Variants in SMIM35 observed in about 807,000 individuals in gnomAD.
SMIM35 encodes small integral membrane protein 35.
chr11:118,085,122 G>A (rs543709858), intron 1 of SMIM35, among the ~76,000 whole-genome samples: 10 of 152,094 alleles, frequency 6.6e-5, no homozygotes, highest in East Asian at 1.9e-4. Context: ...TTGTGAAGTC[G>A]CTTTTATTGT....
intron 1 of SMIM35, among the ~76,000 whole-genome samples, chr11:118,086,450 A>G (rs1945562558): frequency 6.6e-6 from 1 of 152,388 alleles, no homozygotes; most frequent in South Asian, 2.1e-4. Context: ...GGTTAGACCC[A>G]AAGGAAAAAG....
At chr11:118,009,725 TA>T (rs35140092) in intron 4 of SMIM35, among the ~76,000 whole-genome samples, 7,308 of 135,210 alleles carry the variant, frequency 0.054, 231 homozygotes, top group Middle Eastern at 0.12. Context: ...GCAGACGCTT[TA>T]AAAAAAAAAA....
At position 118,049,287 on chromosome 11, in the gene SMIM35, T is replaced by C. The variant is rs544681590; in HGVS notation, c.8-33478A>G. On this transcript the variant is annotated intron_variant, in intron 1 of 4. Coordinates refer to ENST00000689828, the MANE Select transcript of SMIM35 (RefSeq NM_001394165.1). ...ACTGGCTGGGGACCCCAGAACCGTC[T>C]GTGAGTGATTTGAAGGGAAGCTGCA... Among the ~76,000 whole-genome samples, 29 of 151,634 alleles carry C rather than the reference T, an allele frequency of 1.9e-4. No homozygotes were observed. The South Asian group carries it at 6.0e-3, about 32-fold the overall frequency.
chr11:118,042,670 A>G (rs1944024495), intron 1 of SMIM35, among the ~76,000 whole-genome samples: 2 of 152,222 alleles, frequency 1.3e-5, no homozygotes, highest in South Asian at 4.1e-4. Context: ...AAAACCAGAG[A>G]AAAAATATCT....
At chr11:118,071,451 C>T (rs1355359661) in intron 1 of SMIM35, among the ~76,000 whole-genome samples, 1 of 152,258 alleles carries the variant, frequency 6.6e-6, no homozygotes, top group African/African-American at 2.4e-5. Flanking sequence ...TTTGCATCCC[C>T]TCACAGTGAG....
intron 1 of SMIM35, among the ~76,000 whole-genome samples, chr11:118,031,148 GGT>G (rs2058316502): frequency 1.3e-5 from 2 of 152,172 alleles, no homozygotes; most frequent in Admixed American, 1.3e-4. Flanking sequence ...TAAATTTCGT[GGT>G]GTTAGATTGG....
chr11:118,080,524 T>G (rs999085188), intron 1 of SMIM35, among the ~76,000 whole-genome samples: 1 of 151,684 alleles, frequency 6.6e-6, no homozygotes, highest in African/African-American at 2.4e-5. Flanking sequence ...GGAGAAGGGG[T>G]TCAGATGTCA....
intron 1 of SMIM35, among the ~76,000 whole-genome samples, chr11:118,032,712 G>A (rs1334034239): frequency 6.6e-6 from 1 of 152,136 alleles, no homozygotes; most frequent in Non-Finnish European, 1.5e-5. Context: ...TTTGAGACCA[G>A]CCTGGTCAAC....
intron 1 of SMIM35, among the ~76,000 whole-genome samples, chr11:118,068,808 C>T (rs565544753): frequency 3.9e-5 from 6 of 152,198 alleles, no homozygotes; most frequent in East Asian, 1.9e-4. Context: ...TCTGCATTCT[C>T]GGCCACCCCA....
intron 1 of SMIM35, among the ~76,000 whole-genome samples, chr11:118,038,323 CACCTTTG>C (rs1943943846): frequency 6.6e-6 from 1 of 152,232 alleles, no homozygotes; most frequent in African/African-American, 2.4e-5. Context: ...GCAGCACTCA[CACCTTTG>C]ACAGTCTTTG....
intron 1 of SMIM35, among the ~76,000 whole-genome samples, chr11:118,016,999 G>A (rs2058188183): frequency 6.6e-6 from 1 of 152,142 alleles, no homozygotes; most frequent in Non-Finnish European, 1.5e-5. Flanking sequence ...TTTACTCAGT[G>A]AACAGAATGT....
intron 1 of SMIM35, among the ~76,000 whole-genome samples, chr11:118,032,855 C>A (rs998676344): frequency 3.7e-4 from 57 of 152,242 alleles, no homozygotes; most frequent in African/African-American, 1.3e-3. Flanking sequence ...TTGCAGTGAG[C>A]CGATACCATG....
intron 1 of SMIM35, among the ~76,000 whole-genome samples, chr11:118,034,093 C>T (rs1405959645): frequency 3.3e-5 from 5 of 151,628 alleles, no homozygotes; most frequent in Non-Finnish European, 7.4e-5. Flanking sequence ...CATGGTGAAA[C>T]CCCATCTCTC....
At chr11:118,035,710 G>T (rs1402140269) in intron 1 of SMIM35, among the ~76,000 whole-genome samples, 1 of 152,150 alleles carries the variant, frequency 6.6e-6, no homozygotes, top group Non-Finnish European at 1.5e-5. Flanking sequence ...CCCTGCTCAC[G>T]TGTTGTCACA....
In SMIM35 at chr11:118,028,965, T is replaced by C. The variant is rs2058296460; in HGVS notation, c.8-13156A>G. Reference sequence around the variant, plus strand: ...GAGGAGGAGGAGAAATTCGTGGCTATGTTGTTTCGGGTAAAAATAGTCATT... The same window carrying C: ...GAGGAGGAGGAGAAATTCGTGGCTACGTTGTTTCGGGTAAAAATAGTCATT... On this transcript the variant is annotated intron_variant, in intron 1 of 4. Transcript: ENST00000689828. 1.7e-5 allele frequency: 7 copies of C among 401,684 alleles called. No homozygotes were observed. In the Middle Eastern group the frequency reaches 2.5e-3, roughly 143 times the overall value. The allele number at this position is 401,684 out of a possible 1,614,324, so 24.9% of individuals were successfully genotyped here. A position where few individuals can be genotyped will look rare whatever the true frequency, so the allele number is the denominator to read the frequency against.
intron 1 of SMIM35, among the ~76,000 whole-genome samples, chr11:118,022,458 T>C (rs2058238848): frequency 6.6e-6 from 1 of 152,184 alleles, no homozygotes; most frequent in South Asian, 2.1e-4. Context: ...CAAAAAGATA[T>C]CTGGAAAACA....
intron 1 of SMIM35, among the ~76,000 whole-genome samples, chr11:118,044,544 T>C (rs907548425): frequency 6.6e-6 from 1 of 152,006 alleles, no homozygotes; most frequent in African/African-American, 2.4e-5. Flanking sequence ...TTCATGCCTG[T>C]AATCCCAGCA....
intron 1 of SMIM35, among the ~76,000 whole-genome samples, chr11:118,070,839 A>G (rs638997): frequency 0.76 from 115,287 of 152,042 alleles, 43,895 homozygotes; most frequent in Admixed American, 0.81. Flanking sequence ...AGAGGTCCCC[A>G]GTGGGCTGCA....
At chr11:118,050,568 A>G (rs747194792) in intron 1 of SMIM35, among the ~76,000 whole-genome samples, 10 of 152,188 alleles carry the variant, frequency 6.6e-5, no homozygotes, top group African/African-American at 9.7e-5. Context: ...CAACTGACAC[A>G]TACAAAGTGG....
Sources: gnomAD v4.1 joint callset for allele counts (sites outside exome capture counted in the v4.1 genomes callset) on GRCh38, gnomAD v4.1.1 for gene constraint, MANE v1.5 for transcripts, NCBI Gene and HGNC (gene_info 2026-07-23, HGNC 2026-07-21) for gene names.